TNNT1: variants seen among roughly 807,000 people sequenced by gnomAD.
TNNT1 encodes the protein troponin T1, slow skeletal type.
Under a neutral mutation model 50.6 loss-of-function variants are expected in TNNT1, and 53 were observed. The ratio of observed to expected loss-of-function variants is 1.05; its 90% CI spans 0.84 to 1.32. The LOEUF (loss-of-function observed/expected upper bound fraction) is 1.32. Among genes scored for constraint, TNNT1 ranks in the 40% most tolerant of loss-of-function variants. TNNT1 has a pLI of 0.00. For synonymous variants in TNNT1, 142 were observed against 138.0 expected (o/e 1.03, Z -0.20); for missense variants, 348 against 381.7 (o/e 0.91, Z 0.74).
intron 11 of TNNT1, 38 bp from the exon 12 acceptor site, chr19:55,134,242 GGTT>G (rs1305229618): frequency 1.3e-6 from 2 of 1,548,100 alleles, no homozygotes; most frequent in Non-Finnish European, 8.7e-7. Context: ...GGCCCAGAGA[GGTT>G]GTGGGAACCA....
At chr19:55,146,539 G>A in intron 4 of TNNT1, 73 bp from the exon 5 acceptor site, 2 of 1,146,342 alleles carry the variant, frequency 1.7e-6, no homozygotes, top group Non-Finnish European at 2.3e-6. Context: ...GCGCGGGAGG[G>A]GAGAGAGGGA....
chr19:55,132,909 G>A lies in TNNT1; in HGVS notation c.*6C>T. 5 of 1,600,306 alleles carry A rather than the reference G, an allele frequency of 3.1e-6. No individual in the cohort carries two copies. The highest frequency in any genetic ancestry group is 3.5e-5 in the Admixed American group (2 of 57,778). Reference sequence around the variant, plus strand: ...TTCCCAGGTGCCACTGTCCGGGGCGGCATCCTCACTTCCAGCGGCCTCCAA... The same window carrying A: ...TTCCCAGGTGCCACTGTCCGGGGCGACATCCTCACTTCCAGCGGCCTCCAA... On this transcript the variant is annotated 3_prime_UTR_variant, in exon 14 of 14. Transcript: ENST00000588981.
intron 6 of TNNT1, 92 bp from the exon 7 acceptor site, chr19:55,142,012 C>T (rs1472905148): frequency 1.5e-6 from 2 of 1,333,610 alleles, no homozygotes; most frequent in South Asian, 1.2e-5. Context: ...AGGTAGCCGC[C>T]AGCCCCGGGA....
At position 55,140,924 on chromosome 19, in the gene TNNT1, A is replaced by G. The variant is rs1471733304; in HGVS notation, c.346T>C (p.Phe116Leu). ...CGTTCGCGTTCCTTCTCAGTTCTGA[A>G]GCGCTGTTGCTCGGCTCTCTCTGAC... ...RRSERAEQQR[F>L]RTEKERERQA... Residue 116 changes from phenylalanine (F) to leucine (L), a missense_variant, in exon 9 of 14, where the codon TTC becomes CTC. Physicochemically the swap from Phe to Leu is conservative, Grantham distance 22. Transcript: ENST00000588981. The G allele has an allele frequency of 6.2e-7, 1 of 1,613,806 alleles. No homozygotes were observed. The highest frequency in any genetic ancestry group is 8.5e-7 in the Non-Finnish European group (1 of 1,180,016).
intron 13 of TNNT1, 76 bp from the exon 14 acceptor site, chr19:55,133,036 G>A: frequency 7.5e-7 from 1 of 1,329,596 alleles, no homozygotes. Flanking sequence ...CCTCAATTCA[G>A]GAAGCCCATT....
chr19:55,146,983 T>C (rs765676141), intron 3 of TNNT1, 25 bp downstream of exon 3: 3 of 1,596,336 alleles, frequency 1.9e-6, no homozygotes, highest in South Asian at 1.1e-5. Flanking sequence ...CCCCATCCCA[T>C]AGGGCCGGCC....
At chr19:55,146,943 G>T in intron 3 of TNNT1, 65 bp downstream of exon 3, 2 of 1,521,292 alleles carry the variant, frequency 1.3e-6, no homozygotes, top group Non-Finnish European at 1.8e-6. Context: ...CACACTCCTC[G>T]CCTCCCCTCC....
intron 6 of TNNT1, among the ~76,000 whole-genome samples, chr19:55,144,902 G>T (rs1236124816): frequency 6.6e-6 from 1 of 152,182 alleles, no homozygotes; most frequent in Non-Finnish European, 1.5e-5. Flanking sequence ...CTCGAGTCAT[G>T]GAGGAGGATG....
At chr19:55,134,343 C>T in intron 11 of TNNT1, 139 bp from the exon 12 acceptor site, 1 of 843,574 alleles carries the variant, frequency 1.2e-6, no homozygotes, top group South Asian at 1.6e-5. Flanking sequence ...AATCTGTGCC[C>T]ACTTTCTCCA....
intron 5 of TNNT1, 125 bp downstream of exon 5, chr19:55,146,309 G>C: frequency 1.7e-6 from 1 of 595,350 alleles, no homozygotes. Flanking sequence ...TAAAGGACCG[G>C]GCCTGGGGGC....
chr19:55,146,325 A>C, intron 5 of TNNT1, 109 bp downstream of exon 5: 1 of 592,572 alleles, frequency 1.7e-6, no homozygotes, highest in Non-Finnish European at 2.4e-6. Context: ...GGGGCGGGTT[A>C]TGGGGGCGGA....
At chr19:55,141,343 G>C (rs1023422500) in intron 7 of TNNT1, 41 bp from the exon 8 acceptor site, 1 of 1,493,128 alleles carries the variant, frequency 6.7e-7, no homozygotes, top group South Asian at 1.1e-5. Context: ...AGACCCTGGA[G>C]GGGGCAGCAG....
At chr19:55,134,708 A>G (rs1381793042) in intron 11 of TNNT1, among the ~76,000 whole-genome samples, 16 of 7,128 alleles carry the variant, frequency 2.2e-3, no homozygotes, top group African/African-American at 3.7e-3. Context: ...GGGAGGGGAG[A>G]GGAGAAGAGG....
chr19:55,146,362 G>T, intron 5 of TNNT1, 72 bp downstream of exon 5: 1 of 1,163,054 alleles, frequency 8.6e-7, no homozygotes, highest in Non-Finnish European at 1.1e-6. Flanking sequence ...CTTGGAGGTT[G>T]GGGCCCGAGG....
intron 10 of TNNT1, among the ~76,000 whole-genome samples, chr19:55,137,544 G>A (rs112085865): frequency 0.081 from 5,222 of 64,532 alleles, 127 homozygotes; most frequent in African/African-American, 0.22. Context: ...AGGATTGCAG[G>A]CCCCGAGCCC....
intron 13 of TNNT1, chr19:55,133,665 G>C (rs949158869): frequency 3.3e-6 from 2 of 597,092 alleles, no homozygotes; most frequent in Non-Finnish European, 5.9e-6. Flanking sequence ...GTGACAGAGC[G>C]AGACGCAGTC....
At chr19:55,134,706 AGAG>A (rs1384076080) in intron 11 of TNNT1, among the ~76,000 whole-genome samples, 4 of 45,128 alleles carry the variant, frequency 8.9e-5, no homozygotes, top group African/African-American at 2.8e-4. Flanking sequence ...AGGGGAGGGG[AGAG>A]GAGAAGAGGG....
intron 3 of TNNT1, 106 bp downstream of exon 3, chr19:55,146,902 G>C (rs1255030465): frequency 7.0e-7 from 1 of 1,419,570 alleles, no homozygotes; most frequent in Non-Finnish European, 9.5e-7. Flanking sequence ...GAGGGCCCGA[G>C]GGCTGAGCCG....
Position 55,137,945 on chromosome 19 carries a change from C to T in TNNT1, c.501+16G>A, listed in dbSNP as rs756579163. 4.0e-5 allele frequency: 65 copies of T among 1,614,218 alleles called. No homozygotes were observed. The Admixed American group carries it at 1.0e-3, about 26-fold the overall frequency. On this transcript the variant is annotated intron_variant, in intron 10 of 13. Transcript: ENST00000588981. The stretch of plus-strand genomic sequence containing the variant: ...CCCTCAGAACTCAGACCTCAGGCTC[C>T]TGCAGGCTGACTCACCTTGACCAGG...
Sources: allele counts gnomAD v4.1 joint callset (sites outside exome capture counted in the v4.1 genomes callset), GRCh38; gene constraint gnomAD v4.1.1; transcripts MANE v1.5; gene names NCBI Gene and HGNC (gene_info 2026-07-23, HGNC 2026-07-21).